Variants in SEC23IP observed in about 807,000 individuals in gnomAD.
SEC23IP encodes the protein SEC23-interacting protein.
A neutral mutation model predicts 113.4 loss-of-function variants in SEC23IP; 70 were observed. That is an observed-to-expected ratio of 0.62 (90% CI 0.51 to 0.75). The LOEUF is 0.75. Among genes scored for constraint, SEC23IP ranks in the 30% least tolerant of loss-of-function variants. SEC23IP has a pLI of 0.00. For synonymous variants in SEC23IP, 398 were observed against 421.0 expected (o/e 0.95, Z 0.67); for missense variants, 1,160 against 1,204.9 (o/e 0.96, Z 0.55).
In SEC23IP at chr10:119,898,532, G is replaced by T. The variant is rs1437868071; in HGVS notation, c.269G>T (p.Ser90Ile). The change falls in exon 2 of 19, where the codon AGT (serine) becomes ATT (isoleucine). Residue 90 changes from serine (S) to isoleucine (I), a missense_variant. By Grantham distance (142) the Ser-to-Ile change is moderately radical (BLOSUM62 -2). Transcript: ENST00000369075. ...TACTTCTCTCAGGTATCAAGCAGCA[G>T]TGATCCTTTTGGGAATATTGGACAG... ...FSYFSQVSSS[S>I]DPFGNIGQSP... 1 of 1,614,192 alleles carries T rather than the reference G, an allele frequency of 6.2e-7. No individual in the cohort carries two copies. Among genetic ancestry groups the T allele is most frequent in the Non-Finnish European group, 8.5e-7 (1 of 1,180,046 alleles).
At chr10:119,893,464 C>G (rs1204229318) in intron 1 of SEC23IP, among the ~76,000 whole-genome samples, 1 of 149,778 alleles carries the variant, frequency 6.7e-6, no homozygotes, top group Admixed American at 6.7e-5. Flanking sequence ...TGCCCCTCTT[C>G]TAGAAGCCTG....
intron 2 of SEC23IP, among the ~76,000 whole-genome samples, chr10:119,902,308 T>A (rs1410263968): frequency 6.6e-6 from 1 of 152,062 alleles, no homozygotes; most frequent in Admixed American, 6.6e-5. Flanking sequence ...CATTGCGCCG[T>A]TGCACTCCAG....
At chr10:119,909,213 G>T in intron 5 of SEC23IP, 83 bp downstream of exon 5, 1 of 880,972 alleles carries the variant, frequency 1.1e-6, no homozygotes, top group Non-Finnish European at 1.8e-6. Context: ...TTCATTTTTA[G>T]TAACTTCTAC....
chr10:119,925,252 T>C (rs1054880498), intron 12 of SEC23IP, among the ~76,000 whole-genome samples: 5 of 152,174 alleles, frequency 3.3e-5, no homozygotes, highest in Admixed American at 2.6e-4. Flanking sequence ...TAACTCCTCC[T>C]ACCACAAAAC....
intron 4 of SEC23IP, among the ~76,000 whole-genome samples, chr10:119,908,608 C>G (rs757043692): frequency 2.1e-4 from 32 of 152,252 alleles, no homozygotes; most frequent in Admixed American, 7.2e-4. Context: ...CAAGGAAAGC[C>G]AGAGATTGCC....
rs201281165 is a variant in SEC23IP, at chr10:119,902,799, G to A, written c.697G>A (p.Val233Ile). The change falls in exon 3 of 19, where the codon GTT becomes ATT. Residue 233 changes from valine to isoleucine, a missense_variant and splice_region_variant. Val to Ile is a conservative substitution (Grantham distance 29). Coordinates refer to ENST00000369075, the MANE Select transcript of SEC23IP (RefSeq NM_007190.4). ...YQMPPGSLPP[V>I]PSSVQSPAQQ... ...GTCTTAACTTTGCCGTCCCCTCCAG[G>A]TTCCTTCTTCAGTGCAGTCACCGGC... 33 of 1,613,428 alleles carry A rather than the reference G, an allele frequency of 2.0e-5. No individual in the cohort carries two copies. Among genetic ancestry groups the A allele is most frequent in the Admixed American group, 3.3e-5 (2 of 59,874 alleles).
chr10:119,931,274 A>G (rs971674382), intron 15 of SEC23IP, among the ~76,000 whole-genome samples: 2 of 134,150 alleles, frequency 1.5e-5, no homozygotes, highest in African/African-American at 5.0e-5. Context: ...TCCGTCTCAA[A>G]AAAAAAAAAA....
At chr10:119,915,243 A>G (rs1855010718) in intron 7 of SEC23IP, among the ~76,000 whole-genome samples, 1 of 152,236 alleles carries the variant, frequency 6.6e-6, no homozygotes, top group Admixed American at 6.5e-5. Flanking sequence ...TATTTGGTAT[A>G]TGCCAAGTAT....
At chr10:119,896,174 T>C (rs556047561) in intron 1 of SEC23IP, among the ~76,000 whole-genome samples, 1 of 152,176 alleles carries the variant, frequency 6.6e-6, no homozygotes, top group Non-Finnish European at 1.5e-5. Context: ...TATACAGTTG[T>C]AGAGACTCAC....
intron 1 of SEC23IP, 145 bp downstream of exon 1, chr10:119,893,090 T>TC (rs1438868633): frequency 1.2e-6 from 1 of 861,698 alleles, no homozygotes; most frequent in African/African-American, 1.7e-5. Context: ...TTTGAGTGGG[T>TC]CGGGGGCTTT....
intron 1 of SEC23IP, among the ~76,000 whole-genome samples, chr10:119,895,186 C>T (rs745468584): frequency 5.3e-5 from 8 of 152,026 alleles, no homozygotes; most frequent in Admixed American, 5.2e-4. Context: ...GAGTTCAAGA[C>T]CAACCTGGCC....
At chr10:119,911,073 A>G (rs1488150752) in intron 5 of SEC23IP, among the ~76,000 whole-genome samples, 13 of 149,342 alleles carry the variant, frequency 8.7e-5, no homozygotes, top group Non-Finnish European at 1.5e-4. Flanking sequence ...TCTTTGTGGT[A>G]CAGGGCTGAA....
chr10:119,914,482 T>C (rs1854977104), intron 6 of SEC23IP: 3 of 462,940 alleles, frequency 6.5e-6, no homozygotes, highest in Non-Finnish European at 7.9e-6. Flanking sequence ...CTGCTCATCA[T>C]GTGCTATTAG....
chr10:119,925,610 C>G (rs1322049904), intron 12 of SEC23IP, among the ~76,000 whole-genome samples: 1 of 152,038 alleles, frequency 6.6e-6, no homozygotes, highest in Non-Finnish European at 1.5e-5. Flanking sequence ...GGTACGATCA[C>G]AGATCACTGC....
intron 8 of SEC23IP, 23 bp downstream of exon 8, chr10:119,915,912 T>C: frequency 6.9e-7 from 1 of 1,448,770 alleles, no homozygotes; most frequent in Non-Finnish European, 9.2e-7. Context: ...TGATAACTTG[T>C]TTTTCAGATT....
At chr10:119,893,724 T>G (rs1854178181) in intron 1 of SEC23IP, among the ~76,000 whole-genome samples, 2 of 152,062 alleles carry the variant, frequency 1.3e-5, no homozygotes, top group Admixed American at 1.3e-4. Context: ...TCCACCATGT[T>G]GGCCAGGATG....
chr10:119,894,227 A>G (rs1294142420), intron 1 of SEC23IP, among the ~76,000 whole-genome samples: 1 of 152,240 alleles, frequency 6.6e-6, no homozygotes. Flanking sequence ...AGCAGCTATG[A>G]CCTAATTGCC....
At chr10:119,935,720 T>C (rs1855756945) in intron 18 of SEC23IP, among the ~76,000 whole-genome samples, 1 of 152,134 alleles carries the variant, frequency 6.6e-6, no homozygotes, top group Non-Finnish European at 1.5e-5. Flanking sequence ...ACGTGGACAG[T>C]TGAAATGAAC....
chr10:119,909,319 T>C (rs1009759094), intron 5 of SEC23IP, among the ~76,000 whole-genome samples, 189 bp downstream of exon 5: 1 of 152,204 alleles, frequency 6.6e-6, no homozygotes, highest in African/African-American at 2.4e-5. Context: ...ACACTGATCA[T>C]AGAAACAAAA....
Sources: gnomAD v4.1 joint callset for allele counts (sites outside exome capture counted in the v4.1 genomes callset) on GRCh38, gnomAD v4.1.1 for gene constraint, MANE v1.5 for transcripts, NCBI Gene and HGNC (gene_info 2026-07-23, HGNC 2026-07-21) for gene names.